CSMD3: variants seen among roughly 807,000 people sequenced by gnomAD.
CSMD3 encodes the protein CUB and sushi domain-containing protein 3.
In CSMD3, 177 loss-of-function variants were observed where a neutral mutation model predicts 435.2. The ratio of observed to expected loss-of-function variants is 0.41; its 90% confidence interval spans 0.36 to 0.46. The LOEUF (loss-of-function observed/expected upper bound fraction) is 0.46, where lower values mean the gene tolerates loss of function less well. Among genes scored for constraint, CSMD3 ranks in the 20% least tolerant of loss-of-function variants. CSMD3 has a pLI of 0.34. For missense variants in CSMD3, 4,265 were observed against 4,504.6 expected, an observed-to-expected ratio of 0.95 and a Z score of 1.52; for synonymous variants, 1,656 against 1,520.5, an observed-to-expected ratio of 1.09 and a Z score of -2.07.
intron 7 of CSMD3, among the ~76,000 whole-genome samples, chr8:112,974,070 A>G (rs909336110): frequency 2.0e-4 from 31 of 151,914 alleles, no homozygotes; most frequent in African/African-American, 7.2e-4. Context: ...CAATCTCTCA[A>G]ACAGCACTGG....
chr8:113,339,630 T>C (rs1434893249), intron 1 of CSMD3, among the ~76,000 whole-genome samples: 1 of 151,998 alleles, frequency 6.6e-6, no homozygotes, highest in East Asian at 1.9e-4. Context: ...TGTATGCCAA[T>C]TGGGTCCAAT....
intron 32 of CSMD3, among the ~76,000 whole-genome samples, chr8:112,444,324 C>T (rs1254821338): frequency 6.6e-6 from 1 of 152,144 alleles, no homozygotes; most frequent in Admixed American, 6.5e-5. Context: ...TAACATACAC[C>T]TTCCCTGTGA....
intron 1 of CSMD3, among the ~76,000 whole-genome samples, chr8:113,348,332 T>C (rs1484030648): frequency 6.6e-6 from 1 of 152,160 alleles, no homozygotes; most frequent in Non-Finnish European, 1.5e-5. Context: ...AGGGCATTTA[T>C]GTAATTTCTC....
In CSMD3 at chr8:112,224,630, A is replaced by T; in HGVS notation, c.*141T>A. 1.2e-6 allele frequency: 1 copy of T among 835,870 alleles called. No individual in the cohort carries two copies. The highest frequency in any genetic ancestry group is 2.1e-6 in the Non-Finnish European group (1 of 486,974). 51.8% of individuals were successfully genotyped at this position (835,870 alleles called of 1,614,324 possible). On this transcript the variant is annotated 3_prime_UTR_variant, in exon 71 of 71. Transcript: ENST00000297405. ...GAATTATGGTCCAGTTTATGAAAAA[A>T]CACTCTTCTGTATCATTCCTCAGGA...
intron 6 of CSMD3, among the ~76,000 whole-genome samples, chr8:113,008,137 A>C (rs1256094256): frequency 6.6e-6 from 1 of 151,932 alleles, no homozygotes; most frequent in Non-Finnish European, 1.5e-5. Context: ...AATTATTAAC[A>C]GTCAGAATTT....
intron 27 of CSMD3, among the ~76,000 whole-genome samples, chr8:112,536,782 A>G (rs1015434702): frequency 5.9e-5 from 9 of 151,372 alleles, no homozygotes; most frequent in African/African-American, 2.0e-4. Flanking sequence ...ATGTCCATCA[A>G]TGATAGACTG....
At chr8:112,384,505 CT>C (rs1274319578) in intron 36 of CSMD3, among the ~76,000 whole-genome samples, 4 of 152,170 alleles carry the variant, frequency 2.6e-5, no homozygotes, top group Admixed American at 2.0e-4. Flanking sequence ...TTTGCTATTT[CT>C]TTATTAAATT....
At chr8:113,070,375 A>G (rs1042950721) in intron 5 of CSMD3, among the ~76,000 whole-genome samples, 1 of 152,034 alleles carries the variant, frequency 6.6e-6, no homozygotes, top group East Asian at 1.9e-4. Flanking sequence ...TGGTGGCATT[A>G]AGTAGTACAT....
chr8:112,554,145 T>C (rs576630791), intron 25 of CSMD3, among the ~76,000 whole-genome samples: 2 of 151,962 alleles, frequency 1.3e-5, no homozygotes, highest in South Asian at 2.1e-4. Flanking sequence ...TTCAGTTCCT[T>C]AAATTAAATA....
chr8:112,680,073 C>T (rs943509969), intron 16 of CSMD3, among the ~76,000 whole-genome samples: 2 of 152,060 alleles, frequency 1.3e-5, no homozygotes, highest in Non-Finnish European at 2.9e-5. Flanking sequence ...AATGTGTGGC[C>T]GTAGGGCGTG....
chr8:112,596,692 A>G (rs946030131), intron 22 of CSMD3, among the ~76,000 whole-genome samples: 26 of 152,238 alleles, frequency 1.7e-4, no homozygotes, highest in African/African-American at 5.3e-4. Flanking sequence ...CAATCAAACT[A>G]GAACTCAGGA....
intron 32 of CSMD3, among the ~76,000 whole-genome samples, chr8:112,470,301 T>C (rs188181254): frequency 3.9e-4 from 60 of 152,272 alleles, no homozygotes; most frequent in Non-Finnish European, 2.4e-4. Flanking sequence ...TTTAACCTTT[T>C]TCGGGGGTGG....
chr8:112,973,618 C>A (rs1178004260), intron 7 of CSMD3, among the ~76,000 whole-genome samples: 3 of 151,800 alleles, frequency 2.0e-5, no homozygotes, highest in Admixed American at 6.6e-5. Context: ...GAAATTTGGA[C>A]CTGCTGGTAA....
chr8:113,032,274 GT>G (rs2087144151), intron 5 of CSMD3, among the ~76,000 whole-genome samples: 1 of 151,562 alleles, frequency 6.6e-6, no homozygotes, highest in Non-Finnish European at 1.5e-5. Flanking sequence ...ATGTAGAAAA[GT>G]TTGGAACTTC....
intron 51 of CSMD3, among the ~76,000 whole-genome samples, chr8:112,305,780 T>C (rs1398208703): frequency 6.6e-6 from 1 of 152,084 alleles, no homozygotes; most frequent in African/African-American, 2.4e-5. Flanking sequence ...AAAATAAAAG[T>C]GCCTTTTTTG....
intron 22 of CSMD3, among the ~76,000 whole-genome samples, chr8:112,606,682 C>G (rs1164408609): frequency 6.6e-6 from 1 of 152,034 alleles, no homozygotes; most frequent in African/African-American, 2.4e-5. Flanking sequence ...TGAAGTTATA[C>G]CAAGGACCTT....
At chr8:112,450,837 T>C (rs1816179825) in intron 32 of CSMD3, among the ~76,000 whole-genome samples, 1 of 152,332 alleles carries the variant, frequency 6.6e-6, no homozygotes, top group African/African-American at 2.4e-5. Context: ...CTCTGGAAAG[T>C]ATCTTTAAAA....
chr8:112,926,343 A>G (rs576406223), intron 9 of CSMD3, among the ~76,000 whole-genome samples: 3 of 152,058 alleles, frequency 2.0e-5, no homozygotes, highest in Non-Finnish European at 4.4e-5. Flanking sequence ...AGCTGTATCC[A>G]CTGAAATTCA....
intron 24 of CSMD3, among the ~76,000 whole-genome samples, chr8:112,560,356 C>A (rs1586684018): frequency 6.6e-6 from 1 of 151,450 alleles, no homozygotes; most frequent in African/African-American, 2.4e-5. Context: ...AAATTCTTTC[C>A]TTTTTTCCCC....
Sources: allele counts gnomAD v4.1 joint callset (sites outside exome capture counted in the v4.1 genomes callset), GRCh38; gene constraint gnomAD v4.1.1; transcripts MANE v1.5; gene names NCBI Gene and HGNC (gene_info 2026-07-23, HGNC 2026-07-21).